Variants in CSMD1 observed in about 807,000 individuals in gnomAD.
CSMD1 encodes the protein CUB and sushi domain-containing protein 1.
Under a neutral mutation model 417.5 loss-of-function variants are expected in CSMD1, and 213 were observed. That is an observed-to-expected ratio of 0.51 (90% CI 0.46 to 0.57). The LOEUF (loss-of-function observed/expected upper bound fraction) is 0.57. Ranked by LOEUF, CSMD1 falls within the 20% of genes least tolerant of loss-of-function variation. The pLI is 0.00. For synonymous variants in CSMD1, 2,862 were observed against 1,736.8 expected (o/e 1.65, Z -16.11); for missense variants, 6,923 against 4,529.7 (o/e 1.53, Z -15.17).
Position 4,048,731 on chromosome 8 carries a change from A to G in CSMD1, c.416-16632T>C, listed in dbSNP as rs574332218. On this transcript the variant is annotated intron_variant, in intron 3 of 69. Coordinates refer to ENST00000635120, the MANE Select transcript of CSMD1 (RefSeq NM_033225.6). Reference sequence around the variant, plus strand: ...GGTGCATTTATTAATACATACATGTATATCTATAGAACTATATAAAATGCA... The same window carrying G: ...GGTGCATTTATTAATACATACATGTGTATCTATAGAACTATATAAAATGCA... 1.1e-3 allele frequency among the ~76,000 whole-genome samples: 171 copies of G among 152,312 alleles called. 2 individuals are homozygous for G. The highest frequency in any genetic ancestry group is 3.8e-3 in the African/African-American group (156 of 41,558).
At chr8:4,236,986 C>A (rs1439279128) in intron 3 of CSMD1, among the ~76,000 whole-genome samples, 2 of 152,230 alleles carry the variant, frequency 1.3e-5, no homozygotes, top group Non-Finnish European at 2.9e-5. Flanking sequence ...CAACTATTTT[C>A]TCACACACAC....
chr8:4,429,627 G>C (rs1162976218), intron 2 of CSMD1, among the ~76,000 whole-genome samples: 3 of 152,090 alleles, frequency 2.0e-5, no homozygotes, highest in South Asian at 2.1e-4. Context: ...TCCAGAGAGA[G>C]AAACGAATGC....
At chr8:4,251,878 A>T (rs1490002039) in intron 3 of CSMD1, among the ~76,000 whole-genome samples, 1 of 137,182 alleles carries the variant, frequency 7.3e-6, no homozygotes, top group Middle Eastern at 3.5e-3. Context: ...AGGGTGGAGG[A>T]AGAGGGGAAG....
chr8:3,605,616 T>A (rs1036602216), intron 8 of CSMD1, among the ~76,000 whole-genome samples: 2 of 152,192 alleles, frequency 1.3e-5, no homozygotes, highest in Non-Finnish European at 2.9e-5. Context: ...CTCCTTCCGT[T>A]TGATGACACA....
chr8:3,527,371 G>C (rs534628680), intron 10 of CSMD1, among the ~76,000 whole-genome samples: 56 of 152,084 alleles, frequency 3.7e-4, no homozygotes, highest in Non-Finnish European at 6.5e-4. Context: ...CATAGTGTAT[G>C]ATTTCGTTTG....
At chr8:4,289,380 C>T (rs1306973177) in intron 3 of CSMD1, among the ~76,000 whole-genome samples, 16 of 142,866 alleles carry the variant, frequency 1.1e-4, no homozygotes, top group East Asian at 4.3e-4. Flanking sequence ...AGATTAACAT[C>T]GATCAATTAG....
intron 5 of CSMD1, among the ~76,000 whole-genome samples, chr8:3,863,123 C>T (rs368122323): frequency 4.6e-5 from 7 of 152,144 alleles, no homozygotes; most frequent in Admixed American, 2.0e-4. Flanking sequence ...GAAGGTCGGG[C>T]GCGGTGGCTA....
intron 63 of CSMD1, among the ~76,000 whole-genome samples, chr8:2,956,168 A>T (rs957055086): frequency 2.6e-5 from 4 of 152,130 alleles, no homozygotes; most frequent in African/African-American, 9.6e-5. Flanking sequence ...CTTATAAATT[A>T]TAGAGACTGG....
At chr8:3,066,370 G>A (rs1812937186) in intron 49 of CSMD1, among the ~76,000 whole-genome samples, 1 of 152,208 alleles carries the variant, frequency 6.6e-6, no homozygotes, top group African/African-American at 2.4e-5. Flanking sequence ...TCACACATAT[G>A]AAGATACAGA....
intron 5 of CSMD1, among the ~76,000 whole-genome samples, chr8:3,957,500 C>G (rs1812036015): frequency 6.6e-6 from 1 of 152,018 alleles, no homozygotes; most frequent in African/African-American, 2.4e-5. Context: ...AACATGGCCG[C>G]ACTCTTCTCT....
chr8:3,855,625 A>G (rs1367894099), intron 5 of CSMD1, among the ~76,000 whole-genome samples: 1 of 152,278 alleles, frequency 6.6e-6, no homozygotes, highest in African/African-American at 2.4e-5. Flanking sequence ...TTCCTATGAC[A>G]GTTTACTGCT....
At chr8:4,962,427 C>G (rs994957134) in intron 1 of CSMD1, among the ~76,000 whole-genome samples, 1 of 152,022 alleles carries the variant, frequency 6.6e-6, no homozygotes, top group Non-Finnish European at 1.5e-5. Context: ...CCAAAGCTGG[C>G]CTTGAACTAC....
intron 3 of CSMD1, among the ~76,000 whole-genome samples, chr8:4,178,439 T>C (rs925507623): frequency 6.6e-6 from 1 of 151,248 alleles, no homozygotes; most frequent in Non-Finnish European, 1.5e-5. Flanking sequence ...CTCAAAATAA[T>C]AAGAGCTATC....
intron 3 of CSMD1, among the ~76,000 whole-genome samples, chr8:4,289,627 C>A (rs999982611): frequency 5.9e-5 from 9 of 152,132 alleles, no homozygotes; most frequent in Non-Finnish European, 1.3e-4. Context: ...TGGGGATCTG[C>A]TGGACGGAGT....
At chr8:3,726,820 A>G (rs769555486) in intron 6 of CSMD1, among the ~76,000 whole-genome samples, 1 of 152,206 alleles carries the variant, frequency 6.6e-6, no homozygotes, top group Non-Finnish European at 1.5e-5. Flanking sequence ...TAATGTTTTA[A>G]TAATCAGTTT....
chr8:3,006,126 C>T (rs1391953151), intron 52 of CSMD1, among the ~76,000 whole-genome samples: 12 of 150,952 alleles, frequency 7.9e-5, no homozygotes, highest in South Asian at 4.2e-4. Flanking sequence ...TATACACCAA[C>T]AACAGACAAA....
chr8:4,858,632 G>A lies in CSMD1; in HGVS notation c.85+135700C>T, dbSNP rs548606596. Reference sequence around the variant, plus strand: ...CTTATACACCAACAACAGACAAACAGAGAGCCAAATCACGAGTGAACTCCC... The same window carrying A: ...CTTATACACCAACAACAGACAAACAAAGAGCCAAATCACGAGTGAACTCCC... On this transcript the variant is annotated intron_variant, in intron 1 of 69. Coordinates refer to ENST00000635120, the MANE Select transcript of CSMD1 (RefSeq NM_033225.6). Among the ~76,000 whole-genome samples the A allele has an allele frequency of 1.9e-4, 29 of 152,044 alleles. No homozygotes were observed. The South Asian group carries it at 6.0e-3, about 32-fold the overall frequency.
chr8:3,914,719 C>T (rs1189908803), intron 5 of CSMD1, among the ~76,000 whole-genome samples: 4 of 152,016 alleles, frequency 2.6e-5, no homozygotes, highest in African/African-American at 7.3e-5. Flanking sequence ...TTTTGACTAT[C>T]CCTTTTTTTT....
intron 7 of CSMD1, among the ~76,000 whole-genome samples, chr8:3,624,737 T>C (rs1308971214): frequency 6.6e-6 from 1 of 152,230 alleles, no homozygotes; most frequent in Non-Finnish European, 1.5e-5. Flanking sequence ...TGAGGGACAC[T>C]CTAGACTTCA....
Sources: allele counts gnomAD v4.1 joint callset (sites outside exome capture counted in the v4.1 genomes callset), GRCh38; gene constraint gnomAD v4.1.1; transcripts MANE v1.5; gene names NCBI Gene and HGNC (gene_info 2026-07-23, HGNC 2026-07-21).